Variants in RBPMS observed in about 807,000 individuals in gnomAD.
RBPMS encodes RNA binding protein, mRNA processing factor.
RBPMS carries 7 observed loss-of-function variants against 26.8 expected under a neutral mutation model. That is an observed-to-expected ratio of 0.26 (90% CI 0.15 to 0.49). The LOEUF is 0.49. Ranked by LOEUF, RBPMS falls within the 20% of genes least tolerant of loss-of-function variation. The pLI, the probability that RBPMS is intolerant of heterozygous loss-of-function variation, is 0.98. For missense variants in RBPMS, 186 were observed against 250.0 expected (o/e 0.74, Z 1.73); for synonymous variants, 96 against 93.3 (o/e 1.03, Z -0.17).
At chr8:30,416,035 C>T (rs1810031662) in intron 1 of RBPMS, among the ~76,000 whole-genome samples, 1 of 152,060 alleles carries the variant, frequency 6.6e-6, no homozygotes, top group African/African-American at 2.4e-5. Flanking sequence ...TTGGGAAATC[C>T]CTGAGAGCCA....
At chr8:30,393,721 A>G (rs1175747382) in intron 1 of RBPMS, among the ~76,000 whole-genome samples, 1 of 151,624 alleles carries the variant, frequency 6.6e-6, no homozygotes, top group African/African-American at 2.4e-5. Flanking sequence ...GTTTCACCAT[A>G]TTGGTCAGGT....
intron 1 of RBPMS, among the ~76,000 whole-genome samples, chr8:30,417,187 G>C (rs1486542900): frequency 6.6e-6 from 1 of 152,028 alleles, no homozygotes; most frequent in Non-Finnish European, 1.5e-5. Flanking sequence ...TTGTGTTTGT[G>C]AACACTGGTA....
chr8:30,530,051 G>A (rs965818656), intron 5 of RBPMS, among the ~76,000 whole-genome samples: 15 of 152,058 alleles, frequency 9.9e-5, no homozygotes, highest in African/African-American at 2.7e-4. Flanking sequence ...CACCGCACCC[G>A]GCCAGAACTT....
At chr8:30,532,758 C>T (rs748623740) in intron 5 of RBPMS, among the ~76,000 whole-genome samples, 4 of 152,096 alleles carry the variant, frequency 2.6e-5, no homozygotes, top group Non-Finnish European at 5.9e-5. Context: ...CAAAGAGTTC[C>T]CAGGTCTTCG....
intron 6 of RBPMS, chr8:30,552,254 A>G (rs1826451618): frequency 6.6e-6 from 1 of 152,132 alleles, no homozygotes; most frequent in Admixed American, 6.5e-5. Flanking sequence ...TGCCGTCCGG[A>G]AAGTATGTGA....
intron 5 of RBPMS, among the ~76,000 whole-genome samples, chr8:30,512,203 C>T (rs1821793032): frequency 6.6e-6 from 1 of 151,916 alleles, no homozygotes; most frequent in Non-Finnish European, 1.5e-5. Flanking sequence ...TACCACCTTG[C>T]CTGGGGTTTC....
At chr8:30,450,580 C>T (rs1443846923) in intron 1 of RBPMS, among the ~76,000 whole-genome samples, 1 of 152,062 alleles carries the variant, frequency 6.6e-6, no homozygotes, top group African/African-American at 2.4e-5. Flanking sequence ...CACTGCTGTC[C>T]AGGCCTTCAG....
chr8:30,419,321 C>G (rs1386946826), intron 1 of RBPMS, among the ~76,000 whole-genome samples: 1 of 152,086 alleles, frequency 6.6e-6, no homozygotes, highest in Non-Finnish European at 1.5e-5. Context: ...TGGTGCACGT[C>G]TGTAGTTTCA....
chr8:30,458,174 AAAAGT>A (rs1390935621), intron 1 of RBPMS, among the ~76,000 whole-genome samples: 1 of 152,250 alleles, frequency 6.6e-6, no homozygotes, highest in African/African-American at 2.4e-5. Context: ...GATGACCTAA[AAAAGT>A]CTGTACATGT....
intron 1 of RBPMS, among the ~76,000 whole-genome samples, chr8:30,439,076 T>C (rs1812791097): frequency 6.6e-6 from 1 of 152,236 alleles, no homozygotes; most frequent in African/African-American, 2.4e-5. Flanking sequence ...TTATTTTAAA[T>C]GTTTGTTTGC....
intron 8 of RBPMS, among the ~76,000 whole-genome samples, chr8:30,567,098 G>A (rs1020683227): frequency 2.0e-5 from 3 of 152,314 alleles, no homozygotes; most frequent in East Asian, 1.9e-4. Context: ...TGCCAGGGGC[G>A]AGTCTATGGT....
intron 4 of RBPMS, among the ~76,000 whole-genome samples, chr8:30,484,175 T>C (rs771652377): frequency 2.6e-5 from 4 of 152,218 alleles, no homozygotes; most frequent in African/African-American, 4.8e-5. Context: ...TTTTCCATAG[T>C]GGTTGCACCA....
chr8:30,455,902 A>T (rs1291678015), intron 1 of RBPMS, among the ~76,000 whole-genome samples: 1 of 152,082 alleles, frequency 6.6e-6, no homozygotes, highest in Non-Finnish European at 1.5e-5. Context: ...AAAATAAATA[A>T]AAATAAATAA....
At chr8:30,439,117 C>T (rs1459120127) in intron 1 of RBPMS, among the ~76,000 whole-genome samples, 2 of 152,062 alleles carry the variant, frequency 1.3e-5, no homozygotes, top group African/African-American at 2.4e-5. Context: ...TACCTTTAAG[C>T]GTCAAAAATA....
chr8:30,504,675 C>T (rs1407231315), intron 5 of RBPMS, among the ~76,000 whole-genome samples: 1 of 152,168 alleles, frequency 6.6e-6, no homozygotes, highest in Non-Finnish European at 1.5e-5. Context: ...ATTTGATGTA[C>T]TACAGATTTC....
intron 1 of RBPMS, among the ~76,000 whole-genome samples, chr8:30,409,227 T>C (rs561595376): frequency 2.8e-4 from 43 of 152,146 alleles, no homozygotes; most frequent in African/African-American, 9.2e-4. Context: ...GAGTTTTGCT[T>C]TTGTTGCCCA....
rs113657070 is a variant in RBPMS at position 30,567,289 on chromosome 8, C to T, written c.*111+929C>T. ...ATACTCCGACGATACCTCTCAGTGC[C>T]GACCCAGGAGCAGGCATCAGGTGTG... On this transcript the variant is annotated intron_variant, in intron 8 of 8. Transcript: ENST00000397323. Among the ~76,000 whole-genome samples the T allele has an allele frequency of 4.3e-3, 659 of 152,288 alleles. 7 individuals are homozygous for T. Among genetic ancestry groups the T allele is most frequent in the African/African-American group, 0.015 (605 of 41,564 alleles).
chr8:30,567,568 T>C (rs1827988156), intron 8 of RBPMS, among the ~76,000 whole-genome samples: 1 of 152,228 alleles, frequency 6.6e-6, no homozygotes, highest in African/African-American at 2.4e-5. Context: ...CTCCTGGGGA[T>C]ATTTAAAAAC....
intron 1 of RBPMS, among the ~76,000 whole-genome samples, chr8:30,390,175 A>G (rs1355540945): frequency 1.3e-5 from 2 of 152,198 alleles, no homozygotes; most frequent in African/African-American, 4.8e-5. Flanking sequence ...GAAAATGACC[A>G]TGTGAACAAA....
Sources: allele counts gnomAD v4.1 joint callset (sites outside exome capture counted in the v4.1 genomes callset), GRCh38; gene constraint gnomAD v4.1.1; transcripts MANE v1.5; gene names NCBI Gene and HGNC (gene_info 2026-07-23, HGNC 2026-07-21).